Variants in ANG observed in about 807,000 individuals in gnomAD.
ANG encodes the protein angiogenin.
For missense variants in ANG, 178 were observed against 187.4 expected (o/e 0.95, Z 0.29); for synonymous variants, 74 against 73.8 (o/e 1.00, Z -0.02).
chr14:20,688,710 G>A (rs1024218173), upstream of ANG: 1 of 985,320 alleles, frequency 1.0e-6, no homozygotes, highest in Non-Finnish European at 1.2e-6. Context: ...TGGTTTTCAT[G>A]TCCCTGCCAG....
At chr14:20,688,995 C>A in intron 1 of ANG, 121 bp downstream of exon 1, 2 of 414,360 alleles carry the variant, frequency 4.8e-6, no homozygotes, top group Non-Finnish European at 6.5e-6. Flanking sequence ...GAAAATGGAT[C>A]AGATTCTAAA....
chr14:20,686,169 G>A (rs1034681845), upstream of ANG, among the ~76,000 whole-genome samples: 1 of 152,078 alleles, frequency 6.6e-6, no homozygotes, highest in East Asian at 1.9e-4. Flanking sequence ...ATGAGGGGTG[G>A]ACAGAGTCTC....
At chr14:20,686,155 T>C (rs181419958), upstream of ANG, among the ~76,000 whole-genome samples, 101 of 152,264 alleles carry the variant, frequency 6.6e-4, no homozygotes, top group Middle Eastern at 3.4e-3. Context: ...GGCTCTTCTT[T>C]AATATGAGGG....
chr14:20,690,934 C>T (rs900909027), intron 1 of ANG, among the ~76,000 whole-genome samples: 3 of 152,202 alleles, frequency 2.0e-5, no homozygotes, highest in African/African-American at 7.2e-5. Context: ...GAAATGGCAC[C>T]CGTGAAACCT....
chr14:20,693,147 G>A (rs1886886539), intron 1 of ANG, among the ~76,000 whole-genome samples: 1 of 152,100 alleles, frequency 6.6e-6, no homozygotes, highest in African/African-American at 2.4e-5. Flanking sequence ...GCGCCCGGCC[G>A]TCATTTGGTA....
chr14:20,691,226 T>C (rs1886727463), intron 1 of ANG, among the ~76,000 whole-genome samples: 1 of 152,214 alleles, frequency 6.6e-6, no homozygotes, highest in African/African-American at 2.4e-5. Context: ...AACGACTCTT[T>C]TAGGTACTAG....
chr14:20,689,061 T>A (rs992218753), intron 1 of ANG, among the ~76,000 whole-genome samples, 187 bp downstream of exon 1: 6 of 152,140 alleles, frequency 3.9e-5, no homozygotes, highest in Admixed American at 3.3e-4. Context: ...TAAAGAGAAA[T>A]TAGTGAGACT....
At chr14:20,693,408 A>T in intron 1 of ANG, 139 bp from the exon 2 acceptor site, 1 of 1,128,378 alleles carries the variant, frequency 8.9e-7, no homozygotes, top group Non-Finnish European at 1.3e-6. Flanking sequence ...TTAATGAGGA[A>T]GGGAAAATAG....
In ANG at chr14:20,693,602, T is replaced by G. The variant is rs200240901; in HGVS notation, c.38T>G (p.Val13Gly). 4 of 1,613,896 alleles carry G rather than the reference T, an allele frequency of 2.5e-6. No homozygotes were observed. In the Admixed American group the frequency reaches 5.0e-5, roughly 20 times the overall value. Residue 13 changes from valine to glycine, a missense_variant, in exon 2 of 2, where the codon GTG (valine) becomes GGG (glycine). Val to Gly is a moderately radical substitution (Grantham distance 109). Coordinates refer to ENST00000397990, the MANE Select transcript of ANG (RefSeq NM_001097577.3). ...CTGGGCGTTTTGTTGTTGGTCTTCG[T>G]GCTGGGTCTGGGTCTGACCCCACCG... Reference protein sequence around the residue: ...MGLGVLLLVFVLGLGLTPPTL... With the variant: ...MGLGVLLLVFGLGLGLTPPTL...
At chr14:20,693,478 T>C (rs780203193) in intron 1 of ANG, 69 bp from the exon 2 acceptor site, 46 of 1,589,002 alleles carry the variant, frequency 2.9e-5, no homozygotes, top group Non-Finnish European at 2.8e-5. Flanking sequence ...AGAGCAAAGC[T>C]CCTGTCCTTT....
chr14:20,691,891 A>G (rs980574488), intron 1 of ANG, among the ~76,000 whole-genome samples: 1 of 152,134 alleles, frequency 6.6e-6, no homozygotes, highest in Admixed American at 6.5e-5. Flanking sequence ...GTCTTTCTAG[A>G]TCCACAGTCT....
At chr14:20,687,888 A>G (rs1886497213), upstream of ANG, among the ~76,000 whole-genome samples, 1 of 152,208 alleles carries the variant, frequency 6.6e-6, no homozygotes, top group South Asian at 2.1e-4. Context: ...AGGATTTTTA[A>G]AAAGATAACA....
intron 1 of ANG, among the ~76,000 whole-genome samples, chr14:20,691,345 A>C (rs1015794187): frequency 6.6e-6 from 1 of 152,216 alleles, no homozygotes; most frequent in Non-Finnish European, 1.5e-5. Context: ...GTATTTGTTC[A>C]TTACAGAGCA....
intron 1 of ANG, among the ~76,000 whole-genome samples, chr14:20,690,244 A>G (rs1196215961): frequency 1.5e-4 from 23 of 149,846 alleles, no homozygotes; most frequent in East Asian, 3.9e-4. Flanking sequence ...AAAAAAAAAA[A>G]AAAAGAAAAG....
chr14:20,684,302 A>G (rs1312514196), upstream of ANG: 4 of 152,222 alleles, frequency 2.6e-5, no homozygotes, highest in African/African-American at 9.7e-5. Context: ...CCGCCTGGCA[A>G]TTGGGAGCAG....
Position 20,688,834 on chromosome 14 carries a change from G to A in ANG, c.-59G>A. 2.0e-6 allele frequency: 2 copies of A among 985,388 alleles called. No homozygotes were observed. Among genetic ancestry groups the A allele is most frequent in the African/African-American group, 1.7e-5 (1 of 57,324 alleles). The allele number at this position is 985,388 out of a possible 1,614,324, so 61.0% of individuals were successfully genotyped here. A position where few individuals can be genotyped will look rare whatever the true frequency, so the allele number is the denominator to read the frequency against. ...AAACAGCTGGAACCCATCTCCCGTT[G>A]AAGGGAAACTGCCAGATTTTTGTAA... On this transcript the variant is annotated 5_prime_UTR_variant, in exon 1 of 2. Transcript: ENST00000397990.
Position 20,694,177 on chromosome 14 carries a change from T to C in ANG, c.*169T>C. ...TTTAATAAATAAAAATGTCTTGATA[T>C]CAGTAAGAATCAGAGTCTTCTCACT... On this transcript the variant is annotated 3_prime_UTR_variant, in exon 2 of 2. Transcript: ENST00000397990. 3 of 723,478 alleles carry C rather than the reference T, an allele frequency of 4.1e-6. No homozygotes were observed. The highest frequency in any genetic ancestry group is 7.1e-6 in the Non-Finnish European group (3 of 420,036). The allele number at this position is 723,478 out of a possible 1,614,324, so 44.8% of individuals were successfully genotyped here. A position where few individuals can be genotyped will look rare whatever the true frequency, so the allele number is the denominator to read the frequency against.
chr14:20,691,254 C>T (rs550564167), intron 1 of ANG, among the ~76,000 whole-genome samples: 1 of 152,324 alleles, frequency 6.6e-6, no homozygotes, highest in South Asian at 2.1e-4. Flanking sequence ...GGTTCCGTTT[C>T]CTGATTTCTG....
chr14:20,689,874 C>T (rs928317335), intron 1 of ANG, among the ~76,000 whole-genome samples: 1 of 149,548 alleles, frequency 6.7e-6, no homozygotes, highest in African/African-American at 2.5e-5. Context: ...CAAGATAGCA[C>T]CACTGCGATC....
Sources: allele counts gnomAD v4.1 joint callset (sites outside exome capture counted in the v4.1 genomes callset), GRCh38; gene constraint gnomAD v4.1.1; transcripts MANE v1.5; gene names NCBI Gene and HGNC (gene_info 2026-07-23, HGNC 2026-07-21).